FSTL5: variants seen among roughly 807,000 people sequenced by gnomAD.
The protein encoded by FSTL5 is follistatin-related protein 5.
In FSTL5, 62 loss-of-function variants were observed where a neutral mutation model predicts 89.1. The ratio of observed to expected loss-of-function variants is 0.70; its 90% CI spans 0.57 to 0.86. The LOEUF (loss-of-function observed/expected upper bound fraction) is 0.86. FSTL5 is among the 40% of genes least tolerant of loss of function. The probability of loss-of-function intolerance (pLI) is 0.00; values close to 1 mark genes in which losing one functional copy is unlikely to be tolerated. For synonymous variants in FSTL5, 383 were observed against 346.2 expected (o/e 1.11, Z -1.18); for missense variants, 1,057 against 1,001.6 (o/e 1.06, Z -0.75).
At chr4:161,871,207 G>T (rs1246988291) in intron 4 of FSTL5, among the ~76,000 whole-genome samples, 2 of 151,930 alleles carry the variant, frequency 1.3e-5, no homozygotes, top group Non-Finnish European at 2.9e-5. Flanking sequence ...CATTAACACA[G>T]ATTACTGAAA....
intron 3 of FSTL5, among the ~76,000 whole-genome samples, chr4:161,977,598 G>T: frequency 7.9e-6 from 1 of 126,118 alleles, no homozygotes; most frequent in Non-Finnish European, 1.6e-5. Flanking sequence ...GGGCGACACA[G>T]CGAGACTCCG....
chr4:161,826,375 A>G (rs1730668711), intron 4 of FSTL5, among the ~76,000 whole-genome samples: 1 of 152,188 alleles, frequency 6.6e-6, no homozygotes, highest in Admixed American at 6.6e-5. Flanking sequence ...AATGTTCTAT[A>G]AATATCTATT....
intron 8 of FSTL5, among the ~76,000 whole-genome samples, chr4:161,579,083 C>T (rs1176901396): frequency 6.6e-6 from 1 of 151,954 alleles, no homozygotes; most frequent in Non-Finnish European, 1.5e-5. Flanking sequence ...TTTTAAAAAC[C>T]TCTCTGAAAG....
At chr4:161,486,517 GA>G (rs1252749963) in intron 12 of FSTL5, among the ~76,000 whole-genome samples, 1 of 152,106 alleles carries the variant, frequency 6.6e-6, no homozygotes, top group Non-Finnish European at 1.5e-5. Context: ...TAGTAGTTAT[GA>G]AAAATAAACA....
At chr4:161,841,381 T>G (rs541385297) in intron 4 of FSTL5, among the ~76,000 whole-genome samples, 1 of 152,334 alleles carries the variant, frequency 6.6e-6, no homozygotes. Flanking sequence ...ACAGGAAATA[T>G]AGTAGAATGT....
chr4:162,124,832 T>C (rs1732011602), intron 1 of FSTL5, among the ~76,000 whole-genome samples: 1 of 152,158 alleles, frequency 6.6e-6, no homozygotes, highest in Middle Eastern at 3.2e-3. Flanking sequence ...CCAGAGTAGC[T>C]GGGACTACAG....
chr4:161,459,356 T>G (rs1428077749), intron 13 of FSTL5, 37 bp from the exon 14 acceptor site: 1 of 1,372,288 alleles, frequency 7.3e-7, no homozygotes, highest in Admixed American at 1.8e-5. Context: ...TGTTTTAGAC[T>G]AAACTATTAG....
chr4:161,984,818 T>C (rs1735917355), intron 3 of FSTL5, among the ~76,000 whole-genome samples: 1 of 152,182 alleles, frequency 6.6e-6, no homozygotes, highest in Non-Finnish European at 1.5e-5. Context: ...AATTTGGCTA[T>C]ATATCAAAAT....
intron 2 of FSTL5, among the ~76,000 whole-genome samples, chr4:162,099,824 T>C (rs1339311061): frequency 6.6e-6 from 1 of 152,176 alleles, no homozygotes; most frequent in African/African-American, 2.4e-5. Flanking sequence ...TCTGTTTTCA[T>C]AGATATTAAA....
At chr4:161,668,066 A>G (rs1736963173) in intron 6 of FSTL5, among the ~76,000 whole-genome samples, 1 of 152,162 alleles carries the variant, frequency 6.6e-6, no homozygotes, top group African/African-American at 2.4e-5. Context: ...CAAAAAATCA[A>G]TACAGAAAAT....
chr4:161,823,870 T>TC (rs1702587784), intron 4 of FSTL5, among the ~76,000 whole-genome samples: 1 of 152,244 alleles, frequency 6.6e-6, no homozygotes, highest in South Asian at 2.1e-4. Flanking sequence ...GTTTGTGTTT[T>TC]CTTGCTAATT....
intron 4 of FSTL5, among the ~76,000 whole-genome samples, chr4:161,877,934 A>T (rs1732501574): frequency 6.6e-6 from 1 of 151,668 alleles, no homozygotes; most frequent in African/African-American, 2.4e-5. Context: ...GATTACAGGC[A>T]TGAGTAACTG....
chr4:161,418,868 G>T (rs1731882225), intron 15 of FSTL5, among the ~76,000 whole-genome samples: 1 of 152,178 alleles, frequency 6.6e-6, no homozygotes, highest in South Asian at 2.1e-4. Flanking sequence ...TCAAATACAA[G>T]CTGCCTTGCA....
At chr4:161,589,297 C>T (rs956839696) in intron 7 of FSTL5, among the ~76,000 whole-genome samples, 15 of 152,128 alleles carry the variant, frequency 9.9e-5, no homozygotes, top group South Asian at 6.2e-4. Flanking sequence ...CCTCAGCCTC[C>T]TGAGTAGCTG....
intron 6 of FSTL5, among the ~76,000 whole-genome samples, chr4:161,686,710 ATAATT>A (rs1737759550): frequency 6.6e-6 from 1 of 152,024 alleles, no homozygotes; most frequent in South Asian, 2.1e-4. Flanking sequence ...CAAAATACTT[ATAATT>A]TATTTAGTCA....
intron 12 of FSTL5, among the ~76,000 whole-genome samples, chr4:161,494,692 A>T (rs998738084): frequency 6.6e-6 from 1 of 152,148 alleles, no homozygotes; most frequent in African/African-American, 2.4e-5. Context: ...ATTTTAGAGG[A>T]GACTTACATC....
intron 3 of FSTL5, among the ~76,000 whole-genome samples, chr4:161,924,950 A>G (rs1162044852): frequency 6.6e-6 from 1 of 151,912 alleles, no homozygotes; most frequent in Non-Finnish European, 1.5e-5. Flanking sequence ...ATTATTGGTT[A>G]AAAAGAACAA....
At position 161,722,845 on chromosome 4, in the gene FSTL5, GGCCACTAAGAAT is replaced by G. The variant is rs144297574; in HGVS notation, c.727+36554_727+36565del. ...TCATGGAGGCATGATAATACTTTTG[GGCCACTAAGAAT>G]GCCACTGAGACTTCTGGGCCTTGAA... On this transcript the variant is annotated intron_variant, in intron 6 of 15. Coordinates refer to ENST00000306100, the MANE Select transcript of FSTL5 (RefSeq NM_020116.5). Among the ~76,000 whole-genome samples the G allele has an allele frequency of 8.0e-3, 1,220 of 151,918 alleles. 19 individuals are homozygous for G. The highest frequency in any genetic ancestry group is 0.028 in the African/African-American group (1,142 of 41,442).
intron 15 of FSTL5, among the ~76,000 whole-genome samples, chr4:161,438,713 T>A (rs569097115): frequency 6.6e-6 from 1 of 152,050 alleles, no homozygotes; most frequent in South Asian, 2.1e-4. Context: ...AAAATTAAAT[T>A]GATGAATCAA....
Sources: gnomAD v4.1 joint callset for allele counts (sites outside exome capture counted in the v4.1 genomes callset) on GRCh38, gnomAD v4.1.1 for gene constraint, MANE v1.5 for transcripts, NCBI Gene and HGNC (gene_info 2026-07-23, HGNC 2026-07-21) for gene names.